Variants in ATP8B1 observed in about 807,000 individuals in gnomAD.
ATP8B1 encodes the protein ATPase phospholipid transporting 8B1.
ATP8B1 carries 80 observed loss-of-function variants against 149.9 expected under a neutral mutation model. The ratio of observed to expected loss-of-function variants is 0.53; its 90% CI spans 0.45 to 0.64. The LOEUF (loss-of-function observed/expected upper bound fraction) is 0.64. Ranked by LOEUF, ATP8B1 falls within the 30% of genes least tolerant of loss-of-function variation. The pLI, the probability that ATP8B1 is intolerant of heterozygous loss-of-function variation, is 0.00. For missense variants in ATP8B1, 1,247 were observed against 1,552.6 expected, an observed-to-expected ratio of 0.80 and a Z score of 3.31; for synonymous variants, 536 against 562.8, an observed-to-expected ratio of 0.95 and a Z score of 0.67.
Position 57,695,279 on chromosome 18 carries a change from T to A in ATP8B1, c.832A>T (p.Thr278Ser). ...PNNRLDKFTG[T>S]LFWRNTSFPL... is the part of the protein sequence containing the mutation. ...AAACTTGTGTTTCTCCAAAATAGTG[T>A]TCCTGTAAACTTATCTAGTCTGTTA... The change falls in exon 10 of 28, where the codon ACA becomes TCA. Residue 278 changes from threonine (T) to serine (S), a missense_variant. This residue lies in a region of ATP8B1 where 853 missense variants were observed against 1,035.7 expected (regional missense o/e 0.82). Transcript: ENST00000648908. 1 of 1,612,912 alleles carries A rather than the reference T, an allele frequency of 6.2e-7. No individual in the cohort carries two copies. Among genetic ancestry groups the A allele is most frequent in the Non-Finnish European group, 8.5e-7 (1 of 1,178,868 alleles).
chr18:57,742,259 A>G (rs1016103487), intron 1 of ATP8B1, among the ~76,000 whole-genome samples: 2 of 152,204 alleles, frequency 1.3e-5, no homozygotes, highest in African/African-American at 4.8e-5. Flanking sequence ...AATAAAATGT[A>G]TCTAAGATCT....
At position 57,672,910 on chromosome 18, in the gene ATP8B1, A is replaced by AAAACATG. The variant is rs1568189234; in HGVS notation, c.1820-1331_1820-1330insCATGTTT. On this transcript the variant is annotated intron_variant, in intron 16 of 27. Coordinates refer to ENST00000648908, the MANE Select transcript of ATP8B1 (RefSeq NM_001374385.1). ...AGTATATATATATATATATATATATATATATATATATATATATATATAACA... is the reference window on the plus strand; with the variant it reads ...AGTATATATATATATATATATATATAAAACATGTATATATATATATATATATATAACA... 2.9e-4 allele frequency among the ~76,000 whole-genome samples: 22 copies of AAAACATG among 75,288 alleles called. 3 individuals carry two copies. Among genetic ancestry groups the AAAACATG allele is most frequent in the East Asian group, 1.7e-3 (3 of 1,784 alleles). 49.4% of individuals were successfully genotyped at this position (75,288 alleles called of 152,430 possible).
chr18:57,674,241 C>CA (rs745500180), intron 16 of ATP8B1, among the ~76,000 whole-genome samples: 17,285 of 82,508 alleles, frequency 0.21, 2,494 homozygotes, highest in African/African-American at 0.3. Context: ...GACTCCATCT[C>CA]AAAAAAAAAA....
At chr18:57,684,960 G>T in intron 14 of ATP8B1, 112 bp downstream of exon 14, 2 of 1,334,796 alleles carry the variant, frequency 1.5e-6, no homozygotes, top group Non-Finnish European at 2.2e-6. Context: ...ACCACCAGGA[G>T]CAGGGAAGAG....
chr18:57,751,460 A>G (rs1185670527), intron 1 of ATP8B1, among the ~76,000 whole-genome samples: 1 of 151,918 alleles, frequency 6.6e-6, no homozygotes, highest in African/African-American at 2.4e-5. Flanking sequence ...TCTTGAAAAA[A>G]AAAAAAAGGG....
intron 1 of ATP8B1, among the ~76,000 whole-genome samples, chr18:57,773,807 G>A (rs2080284332): frequency 6.6e-6 from 1 of 151,994 alleles, no homozygotes; most frequent in Admixed American, 6.6e-5. Flanking sequence ...TAAGCCCTAG[G>A]CTCTGCCTTC....
chr18:57,685,902 G>T (rs1599114735), intron 13 of ATP8B1, among the ~76,000 whole-genome samples: 2 of 151,728 alleles, frequency 1.3e-5, no homozygotes, highest in African/African-American at 4.8e-5. Flanking sequence ...CTGCACTCCA[G>T]CCTGGGCGAC....
At chr18:57,772,092 A>C (rs1466261406) in intron 1 of ATP8B1, among the ~76,000 whole-genome samples, 1 of 152,228 alleles carries the variant, frequency 6.6e-6, no homozygotes, top group South Asian at 2.1e-4. Context: ...TCTGAGTTCA[A>C]ACCTGTAATT....
At chr18:57,764,787 A>G (rs1040280883) in intron 1 of ATP8B1, among the ~76,000 whole-genome samples, 3 of 151,784 alleles carry the variant, frequency 2.0e-5, no homozygotes, top group African/African-American at 7.3e-5. Flanking sequence ...AAAACAGAAA[A>G]TAAGTGTTGG....
rs1431822470 is a variant in ATP8B1 at position 57,803,312 on chromosome 18, C to A, written c.-340G>T. On this transcript the variant is annotated 5_prime_UTR_variant, in exon 1 of 28. In the 5' UTR this introduces an upstream ATG that the reference lacks. Coordinates refer to ENST00000648908, the MANE Select transcript of ATP8B1 (RefSeq NM_001374385.1). ...CTGGTTTCTCCGCTCGGGGAGGTGC[C>A]TCTGGTTTCCCTCCAGCAGCCGCGG... Among the ~76,000 whole-genome samples the A allele has an allele frequency of 6.6e-6, 1 of 152,154 alleles. No individual in the cohort carries two copies. The highest frequency in any genetic ancestry group is 1.5e-5 in the Non-Finnish European group (1 of 68,032).
At position 57,658,667 on chromosome 18, in the gene ATP8B1, G is replaced by GTGT. The variant is rs1555688369; in HGVS notation, c.2707+2506_2707+2507insACA. ...TGTGTGTGTGTGTGTGTGTGTGTGT[G>GTGT]TTCTTTTTTGTTGTTGGAGAAAGGG... On this transcript the variant is annotated intron_variant, in intron 22 of 27. Coordinates refer to ENST00000648908, the MANE Select transcript of ATP8B1 (RefSeq NM_001374385.1). Among the ~76,000 whole-genome samples the GTGT allele has an allele frequency of 6.7e-4, 81 of 121,500 alleles. 1 individual carries two copies. In the East Asian group the frequency reaches 7.1e-3, roughly 11 times the overall value. The allele number at this position is 121,500 out of a possible 152,430, so 79.7% of individuals were successfully genotyped here.
intron 1 of ATP8B1, among the ~76,000 whole-genome samples, chr18:57,770,530 C>T (rs1443912225): frequency 6.6e-6 from 1 of 152,204 alleles, no homozygotes; most frequent in Non-Finnish European, 1.5e-5. Context: ...CTCCTGCCTC[C>T]AGCCGGCCCA....
At chr18:57,656,733 GGA>G (rs1035219814) in intron 22 of ATP8B1, among the ~76,000 whole-genome samples, 2 of 150,674 alleles carry the variant, frequency 1.3e-5, no homozygotes, top group African/African-American at 4.9e-5. Flanking sequence ...AAAGTAGTGG[GGA>G]GAGAGGGGTG....
intron 15 of ATP8B1, among the ~76,000 whole-genome samples, chr18:57,675,234 A>G (rs1911523238): frequency 6.6e-6 from 1 of 152,272 alleles, no homozygotes. Flanking sequence ...AAACTAAAAA[A>G]GAAACATTGG....
At chr18:57,766,079 T>C (rs1033212142) in intron 1 of ATP8B1, among the ~76,000 whole-genome samples, 6 of 151,620 alleles carry the variant, frequency 4.0e-5, no homozygotes, top group African/African-American at 1.5e-4. Flanking sequence ...GTTTTGCTCT[T>C]GTTGCCCAGG....
chr18:57,785,074 C>T (rs1234796252), intron 1 of ATP8B1, among the ~76,000 whole-genome samples: 8 of 152,216 alleles, frequency 5.3e-5, no homozygotes, highest in Non-Finnish European at 1.2e-4. Flanking sequence ...GCTTTGTTGA[C>T]AAGCACCTAA....
At position 57,732,311 on chromosome 18, in the gene ATP8B1, G is replaced by A. The variant is rs1438887074; in HGVS notation, c.-25-479C>T. 6.3e-4 allele frequency among the ~76,000 whole-genome samples: 2 copies of A among 3,158 alleles called. 1 individual carries two copies. The highest frequency in any genetic ancestry group is 2.0e-3 in the Non-Finnish European group (2 of 1,020). The allele number at this position is 3,158 out of a possible 152,430, so 2.1% of individuals were successfully genotyped here. On this transcript the variant is annotated intron_variant, in intron 1 of 27. Transcript: ENST00000648908. The stretch of plus-strand genomic sequence containing the variant: ...TATGTATATATATGTGTATATATGT[G>A]TGTATATATGTGTATATATGTGTGT...
In ATP8B1 at chr18:57,671,487, T is replaced by A. The variant is rs774428105; in HGVS notation, c.1913A>T (p.Glu638Val). 6.2e-7 allele frequency: 1 copy of A among 1,613,106 alleles called. No individual in the cohort carries two copies. The highest frequency in any genetic ancestry group is 8.5e-7 in the Non-Finnish European group (1 of 1,179,052). Residue 638 changes from glutamate to valine, a missense_variant, in exon 17 of 28, where the codon GAA (glutamate) becomes GTA (valine). By Grantham distance (121) the Glu-to-Val change is moderately radical. Transcript: ENST00000648908. ...ACTTACATCCAGGGCATCCTGTGTT[T>A]CTTGCTTAGTAGGATTCATTCGATG... The part of the protein sequence containing the change: ...RLHRMNPTKQ[E>V]TQDALDIFAN...
At position 57,802,674 on chromosome 18, in the gene ATP8B1, C is replaced by T. The variant is rs979320277; in HGVS notation, c.-26+324G>A. Among the ~76,000 whole-genome samples the T allele has an allele frequency of 3.3e-5, 5 of 152,254 alleles. No individual in the cohort carries two copies. Among genetic ancestry groups the T allele is most frequent in the African/African-American group, 4.8e-5 (2 of 41,476 alleles). ...CCGCAAGCCCTACCTGGCTTAACCCCCGGACATGTGTGTCGCTACCGATCG... is the reference window on the plus strand; with the variant it reads ...CCGCAAGCCCTACCTGGCTTAACCCTCGGACATGTGTGTCGCTACCGATCG... On this transcript the variant is annotated intron_variant, in intron 1 of 27. Transcript: ENST00000648908. This position sits in a 1 kb window ranked among gnomAD's most constrained non-coding sequence, Gnocchi z 4.9.
Sources: gnomAD v4.1 joint callset for allele counts (sites outside exome capture counted in the v4.1 genomes callset) on GRCh38, gnomAD v4.1.1 for gene constraint, gnomAD v4.1.1 regional missense constraint, Gnocchi (gnomAD v3.1) non-coding constraint, MANE v1.5 for transcripts, NCBI Gene and HGNC (gene_info 2026-07-23, HGNC 2026-07-21) for gene names.